PHACTR1: variants seen among roughly 807,000 people sequenced by gnomAD.
PHACTR1 encodes the protein RPEL repeat containing 1.
In PHACTR1, 16 loss-of-function variants were observed where a neutral mutation model predicts 69.2. The ratio of observed to expected loss-of-function variants is 0.23; its 90% CI spans 0.16 to 0.35. PHACTR1 has a LOEUF of 0.35. Among genes scored for constraint, PHACTR1 ranks in the 10% least tolerant of loss-of-function variants. PHACTR1 has a pLI of 1.00. For synonymous variants in PHACTR1, 312 were observed against 284.5 expected (o/e 1.10, Z -0.97); for missense variants, 510 against 734.7 (o/e 0.69, Z 3.54).
At chr6:12,829,998 A>AGAGAGAGAC (rs1777259693) in intron 4 of PHACTR1, among the ~76,000 whole-genome samples, 1 of 91,218 alleles carries the variant, frequency 1.1e-5, no homozygotes, top group Non-Finnish European at 2.4e-5. Context: ...GAGAGAGAGA[A>AGAGAGAGAC]CGAAAAGAAG....
intron 5 of PHACTR1, among the ~76,000 whole-genome samples, chr6:13,130,390 A>C (rs1820235016): frequency 2.0e-5 from 3 of 152,256 alleles, no homozygotes; most frequent in African/African-American, 7.2e-5. Flanking sequence ...CTTTGAAAAG[A>C]TAAACAAATT....
intron 5 of PHACTR1, among the ~76,000 whole-genome samples, chr6:13,056,938 T>C (rs1323541459): frequency 1.3e-5 from 2 of 152,100 alleles, no homozygotes; most frequent in East Asian, 3.9e-4. Context: ...CTTGCTAAAA[T>C]TGGACAATGG....
At chr6:12,754,056 A>G (rs1273441830) in intron 4 of PHACTR1, among the ~76,000 whole-genome samples, 1 of 147,464 alleles carries the variant, frequency 6.8e-6, no homozygotes, top group Non-Finnish European at 1.5e-5. Context: ...TCCGCTTCCC[A>G]GGTTCATGCC....
At chr6:13,082,821 T>C (rs1811625319) in intron 5 of PHACTR1, among the ~76,000 whole-genome samples, 1 of 152,208 alleles carries the variant, frequency 6.6e-6, no homozygotes, top group South Asian at 2.1e-4. Context: ...TTTCTTTGAG[T>C]TCATTGTAGA....
chr6:13,194,425 AG>A (rs1561973448), intron 7 of PHACTR1, among the ~76,000 whole-genome samples: 11 of 148,372 alleles, frequency 7.4e-5, no homozygotes, highest in Admixed American at 6.7e-4. Flanking sequence ...AAAGAAAGAA[AG>A]GAAAAAGAAA....
At chr6:13,192,455 A>G (rs1006640474) in intron 7 of PHACTR1, among the ~76,000 whole-genome samples, 1 of 152,212 alleles carries the variant, frequency 6.6e-6, no homozygotes, top group African/African-American at 2.4e-5. Flanking sequence ...TGTAGTAAGG[A>G]AAATTGGGGC....
chr6:12,968,086 A>G (rs905801634), intron 4 of PHACTR1, among the ~76,000 whole-genome samples: 2 of 152,194 alleles, frequency 1.3e-5, no homozygotes, highest in African/African-American at 2.4e-5. Flanking sequence ...CCAGAATTAT[A>G]GAACTCTTTC....
intron 5 of PHACTR1, among the ~76,000 whole-genome samples, chr6:13,068,464 A>G (rs1809005012): frequency 6.6e-6 from 1 of 152,220 alleles, no homozygotes; most frequent in Non-Finnish European, 1.5e-5. Flanking sequence ...TTTGAAAAAC[A>G]CAACAGACAT....
intron 7 of PHACTR1, among the ~76,000 whole-genome samples, chr6:13,203,845 G>A (rs539131170): frequency 4.6e-5 from 7 of 152,290 alleles, no homozygotes; most frequent in South Asian, 2.1e-4. Flanking sequence ...TGGGGAAGCC[G>A]TGAGTGCTCC....
intron 3 of PHACTR1, among the ~76,000 whole-genome samples, chr6:12,748,181 GGTACAGATA>G (rs1766053673): frequency 6.6e-6 from 1 of 152,166 alleles, no homozygotes; most frequent in Non-Finnish European, 1.5e-5. Context: ...GAAACATTAT[GGTACAGATA>G]GAGGAAGCAG....
At chr6:12,756,891 C>T (rs940544717) in intron 4 of PHACTR1, among the ~76,000 whole-genome samples, 27 of 152,222 alleles carry the variant, frequency 1.8e-4, no homozygotes, top group African/African-American at 5.8e-4. Context: ...CTGTATTATT[C>T]GTGAGTTTCT....
At chr6:13,134,142 C>A (rs1361397019) in intron 5 of PHACTR1, among the ~76,000 whole-genome samples, 1 of 151,922 alleles carries the variant, frequency 6.6e-6, no homozygotes, top group Non-Finnish European at 1.5e-5. Flanking sequence ...CGCCTGGCAG[C>A]CGCCCCCTCC....
chr6:13,207,529 A>G (rs1766118869), intron 8 of PHACTR1, among the ~76,000 whole-genome samples: 1 of 152,172 alleles, frequency 6.6e-6, no homozygotes, highest in Non-Finnish European at 1.5e-5. Context: ...TCCTCACCAC[A>G]TAGGGAGATC....
chr6:12,998,045 T>G (rs539840305), intron 4 of PHACTR1, among the ~76,000 whole-genome samples: 1 of 152,294 alleles, frequency 6.6e-6, no homozygotes, highest in East Asian at 1.9e-4. Flanking sequence ...TACATAAAAA[T>G]ATATTTAAAA....
At chr6:13,196,271 C>T (rs9718020) in intron 7 of PHACTR1, among the ~76,000 whole-genome samples, 2 of 128,924 alleles carry the variant, frequency 1.6e-5, no homozygotes, top group African/African-American at 6.2e-5. Flanking sequence ...GCATTTTTAT[C>T]CCAGGAATCA....
At chr6:12,972,030 G>T (rs190509695) in intron 4 of PHACTR1, among the ~76,000 whole-genome samples, 3 of 151,832 alleles carry the variant, frequency 2.0e-5, no homozygotes, top group African/African-American at 7.2e-5. Context: ...GACTCGTTAC[G>T]CAAATTATTT....
At chr6:12,946,805 AT>A (rs11412388) in intron 4 of PHACTR1, among the ~76,000 whole-genome samples, 14,611 of 85,102 alleles carry the variant, frequency 0.17, 471 homozygotes, top group Middle Eastern at 0.23. Flanking sequence ...ATGGTGCTGG[AT>A]TTTTTTTTTT....
In PHACTR1 at chr6:13,286,131, T is replaced by C; in HGVS notation, c.1651-15T>C. ...TCTCTCCCATTGCACATTGATGGGC[T>C]TCTGTTGATTCCAGGCTGCCATCCG... On this transcript the variant is annotated splice_polypyrimidine_tract_variant and intron_variant, in intron 13 of 14. Transcript: ENST00000332995. The C allele has an allele frequency of 6.3e-7, 1 of 1,592,620 alleles. No homozygotes were observed. Among genetic ancestry groups the C allele is most frequent in the Non-Finnish European group, 8.5e-7 (1 of 1,171,048 alleles).
intron 5 of PHACTR1, among the ~76,000 whole-genome samples, chr6:13,106,807 C>T (rs970193058): frequency 2.0e-5 from 3 of 152,026 alleles, no homozygotes; most frequent in Non-Finnish European, 2.9e-5. Flanking sequence ...TGATTTTTCT[C>T]CTTTTTTCTA....
Sources: gnomAD v4.1 joint callset for allele counts (sites outside exome capture counted in the v4.1 genomes callset) on GRCh38, gnomAD v4.1.1 for gene constraint, MANE v1.5 for transcripts, NCBI Gene and HGNC (gene_info 2026-07-23, HGNC 2026-07-21) for gene names.